UNC13B: variants seen among roughly 807,000 people sequenced by gnomAD.
UNC13B encodes unc-13 homolog B.
In UNC13B, 144 loss-of-function variants were observed where a neutral mutation model predicts 211.0. The ratio of observed to expected loss-of-function variants is 0.68; its 90% CI spans 0.60 to 0.78. The LOEUF (loss-of-function observed/expected upper bound fraction) is 0.78. Among genes scored for constraint, UNC13B ranks in the 30% least tolerant of loss-of-function variants. UNC13B has a pLI of 0.00. For synonymous variants in UNC13B, 709 were observed against 725.8 expected, an observed-to-expected ratio of 0.98 and a Z score of 0.37; for missense variants, 1,777 against 2,002.0, an observed-to-expected ratio of 0.89 and a Z score of 2.14.
chr9:35,306,911 T>C lies in UNC13B; in HGVS notation c.7507T>C (p.Ser2503Pro). 1 of 399,028 alleles carries C rather than the reference T, an allele frequency of 2.5e-6. No homozygotes were observed. The highest frequency in any genetic ancestry group is 4.4e-6 in the Non-Finnish European group (1 of 226,058). 24.7% of individuals were successfully genotyped at this position (399,028 alleles called of 1,614,324 possible). A position where few individuals can be genotyped will look rare whatever the true frequency, so the allele number is the denominator to read the frequency against. ...SFFSLASDVS[S>P]QPLKGELFGI... Reference sequence around the variant, plus strand: ...TTTCTCTCTTGCTTCTGATGTATCATCTCAGCCCCTCAAAGGTGAATTATT... The same window carrying C: ...TTTCTCTCTTGCTTCTGATGTATCACCTCAGCCCCTCAAAGGTGAATTATT... Residue 2503 changes from serine (S) to proline (P), a missense_variant, in exon 9 of 40, where the codon TCT (serine) becomes CCT (proline). Coordinates refer to ENST00000635942, the MANE Select transcript of UNC13B (RefSeq NM_001371189.2).
In UNC13B at chr9:35,308,004, C is replaced by T. The variant is rs1341634814; in HGVS notation, c.8600C>T (p.Thr2867Ile). 2.5e-6 allele frequency: 1 copy of T among 398,990 alleles called. No individual in the cohort carries two copies. The highest frequency in any genetic ancestry group is 4.4e-6 in the Non-Finnish European group (1 of 226,136). The allele number at this position is 398,990 out of a possible 1,614,324, so 24.7% of individuals were successfully genotyped here. ...GAATCCTCCCCTCCAGTTTTAGTTA[C>T]TAGCAGTGATCAGGACCTTAACTCC... ...PTESSPPVLV[T>I]SSDQDLNSSE... The change falls in exon 9 of 40, where the codon ACT (threonine) becomes ATT (isoleucine). Residue 2867 changes from threonine to isoleucine, a missense_variant. Transcript: ENST00000635942.
chr9:35,204,815 C>T (rs932090506), intron 1 of UNC13B, among the ~76,000 whole-genome samples: 3 of 152,146 alleles, frequency 2.0e-5, no homozygotes, highest in Non-Finnish European at 4.4e-5. Flanking sequence ...GATTTTGGAC[C>T]TTTGAGTTAA....
intron 6 of UNC13B, among the ~76,000 whole-genome samples, chr9:35,250,847 C>G (rs1826423604): frequency 6.6e-6 from 1 of 150,566 alleles, no homozygotes; most frequent in African/African-American, 2.4e-5. Context: ...TATATCCATT[C>G]TTCGATTCTT....
intron 1 of UNC13B, among the ~76,000 whole-genome samples, chr9:35,196,239 A>C (rs887533826): frequency 1.3e-5 from 2 of 152,084 alleles, no homozygotes; most frequent in African/African-American, 4.8e-5. Context: ...GAGGTGATAC[A>C]CCTTTTTACT....
intron 11 of UNC13B, among the ~76,000 whole-genome samples, chr9:35,321,152 CATG>C (rs1830718600): frequency 6.6e-6 from 1 of 151,986 alleles, no homozygotes; most frequent in African/African-American, 2.4e-5. Flanking sequence ...TTTTTGAAAA[CATG>C]ATTTAATGAC....
intron 1 of UNC13B, among the ~76,000 whole-genome samples, chr9:35,190,662 C>T (rs1264457219): frequency 6.6e-6 from 1 of 151,152 alleles, no homozygotes; most frequent in African/African-American, 2.4e-5. Context: ...AGTGGCAAGA[C>T]AAAAAATGGA....
intron 7 of UNC13B, among the ~76,000 whole-genome samples, chr9:35,266,377 A>G (rs1406666910): frequency 6.6e-6 from 1 of 152,134 alleles, no homozygotes; most frequent in Non-Finnish European, 1.5e-5. Context: ...TCACTGGGCT[A>G]CTGCTCTAAA....
At chr9:35,234,592 C>T (rs1056642340) in intron 3 of UNC13B, among the ~76,000 whole-genome samples, 6 of 152,160 alleles carry the variant, frequency 3.9e-5, no homozygotes, top group Admixed American at 1.3e-4. Flanking sequence ...TATTCATCTA[C>T]TTTGTGGCTC....
intron 7 of UNC13B, among the ~76,000 whole-genome samples, chr9:35,278,591 T>C (rs941028797): frequency 7.3e-6 from 1 of 136,524 alleles, no homozygotes; most frequent in African/African-American, 2.6e-5. Context: ...TTTGCCACCT[T>C]CTTCTACCTT....
intron 11 of UNC13B, among the ~76,000 whole-genome samples, chr9:35,345,725 A>G (rs1465961465): frequency 6.6e-6 from 1 of 152,216 alleles, no homozygotes; most frequent in African/African-American, 2.4e-5. Context: ...TCCTTGGTAT[A>G]AAAAACCTTG....
intron 26 of UNC13B, among the ~76,000 whole-genome samples, chr9:35,395,054 G>C (rs1835783138): frequency 6.6e-6 from 1 of 152,072 alleles, no homozygotes. Flanking sequence ...GATGTTTCTA[G>C]GTTCTTAGAC....
At chr9:35,191,925 G>A (rs1018582523) in intron 1 of UNC13B, among the ~76,000 whole-genome samples, 9 of 152,254 alleles carry the variant, frequency 5.9e-5, no homozygotes, top group African/African-American at 9.6e-5. Flanking sequence ...AAAGATACAC[G>A]AAGCACACCA....
intron 11 of UNC13B, chr9:35,351,232 A>G (rs1832700079): frequency 9.7e-7 from 1 of 1,028,478 alleles, no homozygotes. Context: ...TGACAACTTG[A>G]TTCAAACTAA....
At chr9:35,383,367 C>G (rs1237620859) in intron 21 of UNC13B, among the ~76,000 whole-genome samples, 1 of 152,132 alleles carries the variant, frequency 6.6e-6, no homozygotes, top group Non-Finnish European at 1.5e-5. Context: ...AATTCTGACC[C>G]AACACAAAAA....
intron 1 of UNC13B, among the ~76,000 whole-genome samples, chr9:35,197,157 T>C (rs959417036): frequency 6.6e-6 from 1 of 152,236 alleles, no homozygotes; most frequent in Non-Finnish European, 1.5e-5. Flanking sequence ...GAGGAAGTAG[T>C]TGATATTGAT....
At chr9:35,360,672 GAC>G (rs1833351554) in intron 11 of UNC13B, 1 of 152,132 alleles carries the variant, frequency 6.6e-6, no homozygotes, top group Non-Finnish European at 1.5e-5. Context: ...TTTTTTGAAA[GAC>G]AGAGTCTCAG....
At position 35,213,667 on chromosome 9, in the gene UNC13B, A is replaced by G. The variant is rs939640200; in HGVS notation, c.23-14348A>G. Among the ~76,000 whole-genome samples, 3 of 152,298 alleles carry G rather than the reference A, an allele frequency of 2.0e-5. No individual in the cohort carries two copies. In the East Asian group the frequency reaches 5.8e-4, roughly 29 times the overall value. ...CTCAAAGGGTCATATGCTCAGTTAA[A>G]GCCTGGCCTAGAAAATATTCACAGG... On this transcript the variant is annotated intron_variant, in intron 1 of 39. Transcript: ENST00000635942.
At chr9:35,212,108 A>G (rs925464786) in intron 1 of UNC13B, among the ~76,000 whole-genome samples, 4 of 152,230 alleles carry the variant, frequency 2.6e-5, no homozygotes, top group Non-Finnish European at 5.9e-5. Flanking sequence ...CTGAGCTAAC[A>G]TGTACTAAGA....
At chr9:35,277,805 T>A (rs1243114422) in intron 7 of UNC13B, among the ~76,000 whole-genome samples, 1 of 151,760 alleles carries the variant, frequency 6.6e-6, no homozygotes, top group African/African-American at 2.4e-5. Context: ...CATATTCACA[T>A]TGTGTACACA....
Sources: gnomAD v4.1 joint callset for allele counts (sites outside exome capture counted in the v4.1 genomes callset) on GRCh38, gnomAD v4.1.1 for gene constraint, MANE v1.5 for transcripts, NCBI Gene and HGNC (gene_info 2026-07-23, HGNC 2026-07-21) for gene names.